The following TSPAN9 variants were observed in gnomAD, a reference collection of about 807,000 sequenced individuals.
The protein encoded by TSPAN9 is tetraspanin-9.
TSPAN9 carries 16 observed loss-of-function variants against 31.0 expected under a neutral mutation model. The observed-to-expected ratio is 0.52, with a 90% CI of 0.35 to 0.78. TSPAN9 has a LOEUF of 0.78. Among genes scored for constraint, TSPAN9 ranks in the 30% least tolerant of loss-of-function variants. The probability of loss-of-function intolerance (pLI) is 0.01; values close to 1 mark genes in which losing one functional copy is unlikely to be tolerated. For synonymous variants in TSPAN9, 145 were observed against 121.6 expected, an observed-to-expected ratio of 1.19 and a Z score of -1.27; for missense variants, 272 against 312.5, an observed-to-expected ratio of 0.87 and a Z score of 0.98.
intron 2 of TSPAN9, chr12:3,200,806 GGCGT>G (rs2098371108): frequency 9.6e-6 from 2 of 209,054 alleles, no homozygotes; most frequent in Non-Finnish European, 1.9e-5. Context: ...GCAGAGAGGG[GGCGT>G]GCAAGGCTCC....
chr12:3,123,270 C>G lies in TSPAN9; in HGVS notation c.-18+39551C>G, dbSNP rs1377613870. Among the ~76,000 whole-genome samples, 3 of 152,212 alleles carry G rather than the reference C, an allele frequency of 2.0e-5. No individual in the cohort carries two copies. In the East Asian group the frequency reaches 5.8e-4, roughly 29 times the overall value. ...GAACCTGTTGCTCCTTGAACCGCTT[C>G]CCTGCTTACTCTTGGTGCCCTAGAG... On this transcript the variant is annotated intron_variant, in intron 2 of 8. Coordinates refer to ENST00000011898, the MANE Select transcript of TSPAN9 (RefSeq NM_006675.5).
chr12:3,115,884 G>A (rs1048112865), intron 2 of TSPAN9, among the ~76,000 whole-genome samples: 3 of 152,212 alleles, frequency 2.0e-5, no homozygotes, highest in Non-Finnish European at 4.4e-5. Flanking sequence ...CAAAGCAGCT[G>A]TACCGTTTTA....
At chr12:3,148,587 G>A (rs1457941718) in intron 2 of TSPAN9, among the ~76,000 whole-genome samples, 2 of 152,204 alleles carry the variant, frequency 1.3e-5, no homozygotes, top group African/African-American at 2.4e-5. Flanking sequence ...GGCCTAGAGC[G>A]TGCACATGAC....
chr12:3,107,530 G>A lies in TSPAN9; in HGVS notation c.-18+23811G>A, dbSNP rs80096903. 2.0e-5 allele frequency among the ~76,000 whole-genome samples: 3 copies of A among 152,150 alleles called. No homozygotes were observed. The highest frequency in any genetic ancestry group is 2.9e-5 in the Non-Finnish European group (2 of 68,034). On this transcript the variant is annotated intron_variant, in intron 2 of 8. Transcript: ENST00000011898. This position sits in a 1 kb window ranked among gnomAD's most constrained non-coding sequence, Gnocchi z 4.1. ...CCAAGGACAGCAGACCCCCAGTCCA[G>A]CCCCCCTATCCCTGTGCCCTTCATC...
At chr12:3,101,579 T>C (rs1351827105) in intron 2 of TSPAN9, among the ~76,000 whole-genome samples, 1 of 152,180 alleles carries the variant, frequency 6.6e-6, no homozygotes, top group African/African-American at 2.4e-5. Flanking sequence ...TACTACTGTT[T>C]TATGAAACAA....
rs1221193259 is a variant in TSPAN9, at chr12:3,235,084, G to C, written c.63+33828G>C. 6.2e-5 allele frequency among the ~76,000 whole-genome samples: 9 copies of C among 144,616 alleles called. No individual in the cohort carries two copies. In the Admixed American group the frequency reaches 6.3e-4, roughly 10 times the overall value. The allele number at this position is 144,616 out of a possible 152,430, so 94.9% of individuals were successfully genotyped here. A position where few individuals can be genotyped will look rare whatever the true frequency, so the allele number is the denominator to read the frequency against. The stretch of plus-strand genomic sequence containing the variant: ...CGGGAGGCTGAGGCGGGAGAATGAC[G>C]TGAGCCCCGGAGATGGAGCTTGCAG... On this transcript the variant is annotated intron_variant, in intron 3 of 8. Transcript: ENST00000011898.
At chr12:3,136,195 G>A (rs1313518857) in intron 2 of TSPAN9, among the ~76,000 whole-genome samples, 1 of 152,176 alleles carries the variant, frequency 6.6e-6, no homozygotes, top group African/African-American at 2.4e-5. Flanking sequence ...AGCCAGGGAT[G>A]CCCTGACTCC....
rs1275494212 is a variant in TSPAN9, at chr12:3,280,286, C to T, written c.331-96C>T. 3 of 1,126,986 alleles carry T rather than the reference C, an allele frequency of 2.7e-6. No individual in the cohort carries two copies. Among genetic ancestry groups the T allele is most frequent in the African/African-American group, 3.1e-5 (2 of 65,340 alleles). 69.8% of individuals were successfully genotyped at this position (1,126,986 alleles called of 1,614,324 possible). A position where few individuals can be genotyped will look rare whatever the true frequency, so the allele number is the denominator to read the frequency against. On this transcript the variant is annotated intron_variant, in intron 5 of 8. Transcript: ENST00000011898. The surrounding 1 kb of genome is among the most constrained non-coding windows in gnomAD (Gnocchi z 4.5). ...TGCCTTCCCTGCCTTCCTCACTCCT[C>T]ATCTGTCACCCACCATCCTGGGTGA...
intron 2 of TSPAN9, among the ~76,000 whole-genome samples, chr12:3,086,911 T>G (rs532044238): frequency 6.6e-6 from 1 of 152,330 alleles, no homozygotes; most frequent in East Asian, 1.9e-4. Flanking sequence ...GCACGCCGCC[T>G]CCAATCATGG....
intron 3 of TSPAN9, among the ~76,000 whole-genome samples, chr12:3,222,704 A>G (rs1355601030): frequency 1.3e-5 from 2 of 152,212 alleles, no homozygotes; most frequent in African/African-American, 4.8e-5. Context: ...CCCTTTCTGC[A>G]GTGGTCCTCA....
intron 3 of TSPAN9, among the ~76,000 whole-genome samples, chr12:3,201,811 G>A (rs1336934687): frequency 6.6e-6 from 1 of 152,246 alleles, no homozygotes; most frequent in Non-Finnish European, 1.5e-5. Flanking sequence ...GGCTCAAGCC[G>A]ATGGACCTGC....
At chr12:3,155,754 C>T (rs905241128) in intron 2 of TSPAN9, among the ~76,000 whole-genome samples, 3 of 152,142 alleles carry the variant, frequency 2.0e-5, no homozygotes, top group Admixed American at 6.6e-5. Flanking sequence ...TCCTTTTCTC[C>T]GTTTTCCCAT....
intron 2 of TSPAN9, among the ~76,000 whole-genome samples, chr12:3,137,342 C>T (rs528850251): frequency 1.3e-5 from 2 of 152,360 alleles, no homozygotes; most frequent in African/African-American, 2.4e-5. Context: ...TCACCACTCT[C>T]TCACTGGAAC....
chr12:3,250,123 CCT>C (rs1463928427), intron 3 of TSPAN9, among the ~76,000 whole-genome samples: 2 of 152,090 alleles, frequency 1.3e-5, no homozygotes, highest in Non-Finnish European at 2.9e-5. Context: ...GTCCAGTGCC[CCT>C]GTTTCCTGTC....
At chr12:3,182,381 C>T (rs1272799906) in intron 2 of TSPAN9, among the ~76,000 whole-genome samples, 5 of 152,048 alleles carry the variant, frequency 3.3e-5, no homozygotes, top group South Asian at 2.1e-4. Flanking sequence ...CCCACAGCCT[C>T]CTCTGAGCTG....
intron 3 of TSPAN9, among the ~76,000 whole-genome samples, chr12:3,204,374 C>T (rs11062564): frequency 0.19 from 28,291 of 152,128 alleles, 3,325 homozygotes; most frequent in South Asian, 0.28. Context: ...CACCACTGGG[C>T]GGAGCTTCTA....
intron 2 of TSPAN9, among the ~76,000 whole-genome samples, chr12:3,128,935 C>G (rs1258937226): frequency 6.6e-6 from 1 of 152,206 alleles, no homozygotes. Flanking sequence ...TCTCCCCCTA[C>G]TTCCAGCCCC....
At chr12:3,216,172 A>G (rs1468568) in intron 3 of TSPAN9, among the ~76,000 whole-genome samples, 130,801 of 152,034 alleles carry the variant, frequency 0.86, 56,592 homozygotes, top group South Asian at 0.91. Flanking sequence ...GCCCTCTGGG[A>G]GCTGGGGAGT....
intron 3 of TSPAN9, among the ~76,000 whole-genome samples, chr12:3,227,299 T>G (rs2098388371): frequency 6.6e-6 from 1 of 152,164 alleles, no homozygotes; most frequent in Non-Finnish European, 1.5e-5. Flanking sequence ...CTGGGCTGAA[T>G]GTGTCCACCA....
Sources: allele counts gnomAD v4.1 joint callset (sites outside exome capture counted in the v4.1 genomes callset), GRCh38; gene constraint gnomAD v4.1.1; non-coding constraint Gnocchi (gnomAD v3.1); transcripts MANE v1.5; gene names NCBI Gene and HGNC (gene_info 2026-07-23, HGNC 2026-07-21).